Variants in RRM2 observed in about 807,000 individuals in gnomAD.
RRM2 encodes ribonucleoside-diphosphate reductase subunit M2.
RRM2 carries 6 observed loss-of-function variants against 45.9 expected under a neutral mutation model. That is an observed-to-expected ratio of 0.13 (90% CI 0.07 to 0.26). The LOEUF is 0.26. RRM2 is among the 10% of genes least tolerant of loss of function. The pLI, the probability that RRM2 is intolerant of heterozygous loss-of-function variation, is 1.00. For synonymous variants in RRM2, 177 were observed against 173.0 expected (o/e 1.02, Z -0.18); for missense variants, 343 against 489.5 (o/e 0.70, Z 2.82).
At chr2:10,165,434 G>C (rs76821446) in intron 3 of RRM2, among the ~76,000 whole-genome samples, 3,867 of 152,288 alleles carry the variant, frequency 0.025, 176 homozygotes, top group African/African-American at 0.088. Flanking sequence ...CCAGGACAGG[G>C]GCCCTGTGTG....
At chr2:10,144,275 A>G (rs889786800) in intron 3 of RRM2, among the ~76,000 whole-genome samples, 1 of 151,964 alleles carries the variant, frequency 6.6e-6, no homozygotes, top group Non-Finnish European at 1.5e-5. Flanking sequence ...ATCTCCTCAC[A>G]CTCTTCCAAG....
In RRM2 at chr2:10,182,280, G is replaced by C. The variant is rs59578075; in HGVS notation, n.483-28031G>C. On this transcript the variant is annotated intron_variant and non_coding_transcript_variant, in intron 3 of 3. Coordinates refer to the RRM2 transcript ENST00000381786. Reference sequence around the variant, plus strand: ...TTAAACCCGGGAGGCGGAGGTTGCAGTGAGCTGAGATAGTTCCACTGCACT... The same window carrying C: ...TTAAACCCGGGAGGCGGAGGTTGCACTGAGCTGAGATAGTTCCACTGCACT... 7.1e-3 allele frequency among the ~76,000 whole-genome samples: 1,082 copies of C among 152,140 alleles called. 15 individuals carry two copies. Among genetic ancestry groups the C allele is most frequent in the African/African-American group, 0.025 (1,018 of 41,502 alleles).
intron 3 of RRM2, among the ~76,000 whole-genome samples, chr2:10,193,135 C>T (rs1274239501): frequency 2.0e-5 from 3 of 152,144 alleles, no homozygotes; most frequent in Non-Finnish European, 4.4e-5. Flanking sequence ...CTTGTTTTGC[C>T]AGCCCTCCCC....
At chr2:10,178,997 A>C (rs1663989917) in intron 3 of RRM2, among the ~76,000 whole-genome samples, 1 of 152,168 alleles carries the variant, frequency 6.6e-6, no homozygotes, top group South Asian at 2.1e-4. Context: ...AGCTGTGAGC[A>C]ATAAGTTTCT....
At chr2:10,136,623 A>G (rs1386474097), upstream of RRM2, among the ~76,000 whole-genome samples, 1 of 152,158 alleles carries the variant, frequency 6.6e-6, no homozygotes, top group East Asian at 1.9e-4. Context: ...ATTTTTAAAA[A>G]TTAGCCATGT....
chr2:10,126,162 T>TAAAAAA (rs532815964), intron 5 of RRM2, among the ~76,000 whole-genome samples: 1 of 89,362 alleles, frequency 1.1e-5, no homozygotes, highest in Non-Finnish European at 1.9e-5. Flanking sequence ...CTCATCTCTT[T>TAAAAAA]AAAAAAAAAA....
intron 3 of RRM2, among the ~76,000 whole-genome samples, chr2:10,167,671 A>T (rs1224370546): frequency 6.6e-6 from 1 of 152,004 alleles, no homozygotes; most frequent in Non-Finnish European, 1.5e-5. Flanking sequence ...GGAAGTGGAG[A>T]GGTGGGATCA....
chr2:10,207,367 G>A (rs757447523), intron 3 of RRM2, among the ~76,000 whole-genome samples: 1 of 152,050 alleles, frequency 6.6e-6, no homozygotes, highest in Non-Finnish European at 1.5e-5. Flanking sequence ...TGCTCAGCCC[G>A]CTCTCCACAC....
At chr2:10,135,961 GT>G (rs964738675), downstream of RRM2, among the ~76,000 whole-genome samples, 16 of 149,060 alleles carry the variant, frequency 1.1e-4, no homozygotes, top group Admixed American at 2.7e-4. Context: ...TTAGTCATGT[GT>G]TTTTTTTTTA....
At chr2:10,159,713 A>G (rs553782366) in intron 3 of RRM2, among the ~76,000 whole-genome samples, 1 of 152,290 alleles carries the variant, frequency 6.6e-6, no homozygotes, top group South Asian at 2.1e-4. Context: ...TTGTGTGTTC[A>G]CACACACAGA....
intron 3 of RRM2, among the ~76,000 whole-genome samples, chr2:10,201,331 C>T (rs1664566772): frequency 6.6e-6 from 1 of 152,134 alleles, no homozygotes; most frequent in South Asian, 2.1e-4. Context: ...CTGTCAAAAG[C>T]TGTTGATAGC....
At chr2:10,210,915 A>T (rs968148348) in exon 4 of RRM2, 4 of 231,272 alleles carry the variant, frequency 1.7e-5, no homozygotes, top group Non-Finnish European at 3.5e-5. Context: ...CCAAGAAGAG[A>T]GGCCTCACCA....
chr2:10,140,736 G>A (rs560366001), upstream of RRM2, among the ~76,000 whole-genome samples: 3 of 152,328 alleles, frequency 2.0e-5, no homozygotes, highest in Admixed American at 1.3e-4. Flanking sequence ...AGAGAGGAAG[G>A]TGTCCCACGT....
chr2:10,140,179 G>A (rs546728921), upstream of RRM2, among the ~76,000 whole-genome samples: 9 of 152,220 alleles, frequency 5.9e-5, no homozygotes, highest in East Asian at 3.9e-4. Flanking sequence ...TCCGGGAGGC[G>A]GAGGTTGCAG....
At chr2:10,162,175 G>T (rs1480770040) in intron 3 of RRM2, among the ~76,000 whole-genome samples, 1 of 152,178 alleles carries the variant, frequency 6.6e-6, no homozygotes, top group Admixed American at 6.5e-5. Context: ...AGAGTGCACG[G>T]GATGCCCGGG....
upstream of RRM2, among the ~76,000 whole-genome samples, chr2:10,139,032 C>T (rs752668416): frequency 1.5e-4 from 23 of 152,094 alleles, no homozygotes; most frequent in East Asian, 1.9e-4. Flanking sequence ...TGCTTGAGCC[C>T]GGGAGGTGGC....
intron 3 of RRM2, among the ~76,000 whole-genome samples, chr2:10,177,611 C>T (rs1454009446): frequency 6.6e-6 from 1 of 152,098 alleles, no homozygotes; most frequent in Non-Finnish European, 1.5e-5. Context: ...ATTTGTGGGT[C>T]CACCACCACA....
chr2:10,141,342 C>T (rs1300600209), upstream of RRM2: 1 of 143,696 alleles, frequency 7.0e-6, no homozygotes, highest in African/African-American at 2.5e-5. Flanking sequence ...TCCCCCCACC[C>T]CCATGTCTCA....
At chr2:10,145,208 G>T (rs1046117494) in intron 3 of RRM2, among the ~76,000 whole-genome samples, 3 of 152,212 alleles carry the variant, frequency 2.0e-5, no homozygotes, top group African/African-American at 7.2e-5. Flanking sequence ...GGCCAGGTGG[G>T]TGGGTAGACA....
Sources: allele counts gnomAD v4.1 joint callset (sites outside exome capture counted in the v4.1 genomes callset), GRCh38; gene constraint gnomAD v4.1.1; transcripts MANE v1.5; gene names NCBI Gene and HGNC (gene_info 2026-07-23, HGNC 2026-07-21).